MMP16: variants seen among roughly 807,000 people sequenced by gnomAD.
The protein encoded by MMP16 is matrix metalloproteinase-16.
A neutral mutation model predicts 67.8 loss-of-function variants in MMP16; 12 were observed. The ratio of observed to expected loss-of-function variants is 0.18; its 90% confidence interval spans 0.11 to 0.29. The LOEUF is 0.29. Among genes scored for constraint, MMP16 ranks in the 10% least tolerant of loss-of-function variants. MMP16 has a pLI of 1.00. For missense variants in MMP16, 475 were observed against 765.7 expected, an observed-to-expected ratio of 0.62 and a Z score of 4.48; for synonymous variants, 249 against 255.9, an observed-to-expected ratio of 0.97 and a Z score of 0.26.
intron 1 of MMP16, among the ~76,000 whole-genome samples, chr8:88,299,745 T>A (rs937413037): frequency 6.6e-5 from 10 of 152,200 alleles, no homozygotes; most frequent in African/African-American, 2.4e-4. Context: ...CAATAGATAA[T>A]AACTTTTCTT....
chr8:88,145,787 G>A (rs1403826031), intron 4 of MMP16, among the ~76,000 whole-genome samples: 1 of 151,936 alleles, frequency 6.6e-6, no homozygotes, highest in Admixed American at 6.5e-5. Flanking sequence ...TTCTAGACCA[G>A]TGATTCTCAA....
In MMP16 at chr8:88,101,176, A is replaced by C. The variant is rs149660224; in HGVS notation, c.1083+15331T>G. ...AGATTCTCATTATACAGATGAAAAA[A>C]CTCAGGCTCAACAGTGGAGTCATAC... On this transcript the variant is annotated intron_variant, in intron 6 of 9. Coordinates refer to ENST00000286614, the MANE Select transcript of MMP16 (RefSeq NM_005941.5). Among the ~76,000 whole-genome samples the C allele has an allele frequency of 7.4e-4, 112 of 151,946 alleles. 1 individual carries two copies. The highest frequency in any genetic ancestry group is 2.6e-3 in the African/African-American group (107 of 41,502).
At chr8:88,268,703 A>G (rs1810517945) in intron 1 of MMP16, among the ~76,000 whole-genome samples, 1 of 152,172 alleles carries the variant, frequency 6.6e-6, no homozygotes, top group Non-Finnish European at 1.5e-5. Context: ...ATTTTAAGCA[A>G]AGGTTTTGAT....
At chr8:88,051,418 C>T (rs961872983) in intron 8 of MMP16, among the ~76,000 whole-genome samples, 7 of 152,184 alleles carry the variant, frequency 4.6e-5, no homozygotes, top group African/African-American at 1.4e-4. Flanking sequence ...GTGATGAAAG[C>T]TATTATAAAT....
chr8:88,196,241 C>T (rs1213858882), intron 2 of MMP16, among the ~76,000 whole-genome samples: 2 of 152,028 alleles, frequency 1.3e-5, no homozygotes, highest in East Asian at 1.9e-4. Flanking sequence ...AACTAAGTAA[C>T]AAAAAATATG....
At chr8:88,195,737 G>A (rs886169199) in intron 2 of MMP16, among the ~76,000 whole-genome samples, 1 of 152,114 alleles carries the variant, frequency 6.6e-6, no homozygotes, top group Non-Finnish European at 1.5e-5. Context: ...TCTAATTGTG[G>A]CAGAACATAT....
At chr8:88,061,378 C>T (rs1036724863) in intron 7 of MMP16, among the ~76,000 whole-genome samples, 4 of 152,034 alleles carry the variant, frequency 2.6e-5, no homozygotes, top group Admixed American at 6.6e-5. Flanking sequence ...CTTTCATCTC[C>T]TTTTTAATTA....
chr8:88,145,903 T>C (rs1011706657), intron 4 of MMP16, among the ~76,000 whole-genome samples: 3 of 151,982 alleles, frequency 2.0e-5, no homozygotes, highest in Admixed American at 1.3e-4. Context: ...GCCAGGAATA[T>C]TGCTAAACAT....
intron 4 of MMP16, among the ~76,000 whole-genome samples, chr8:88,156,847 G>C (rs944839125): frequency 3.9e-5 from 6 of 152,008 alleles, no homozygotes; most frequent in Admixed American, 3.9e-4. Context: ...TTTCTACAGA[G>C]ACTATGTAAG....
chr8:88,065,288 TA>T (rs1267919313), intron 7 of MMP16, among the ~76,000 whole-genome samples: 1 of 152,032 alleles, frequency 6.6e-6, no homozygotes, highest in Non-Finnish European at 1.5e-5. Flanking sequence ...TTTTTGAAAA[TA>T]AGGAAAACTT....
At chr8:88,226,418 A>G (rs2129860854) in intron 1 of MMP16, among the ~76,000 whole-genome samples, 1 of 152,084 alleles carries the variant, frequency 6.6e-6, no homozygotes, top group Non-Finnish European at 1.5e-5. Context: ...ACCAATTAAG[A>G]TATTTCTGGA....
chr8:88,140,783 T>A (rs1160234096), intron 4 of MMP16, among the ~76,000 whole-genome samples: 1 of 152,098 alleles, frequency 6.6e-6, no homozygotes, highest in East Asian at 1.9e-4. Context: ...AACCAATTAT[T>A]TCATATCAAA....
intron 6 of MMP16, among the ~76,000 whole-genome samples, chr8:88,093,316 T>A (rs992528275): frequency 1.3e-5 from 2 of 151,906 alleles, no homozygotes; most frequent in East Asian, 3.9e-4. Flanking sequence ...TTCTTGAGTA[T>A]AATTAATTCA....
intron 1 of MMP16, among the ~76,000 whole-genome samples, chr8:88,322,303 C>A (rs957173479): frequency 1.3e-5 from 2 of 152,090 alleles, no homozygotes; most frequent in Non-Finnish European, 2.9e-5. Flanking sequence ...GATGACATGA[C>A]AAAATGTGAA....
chr8:88,242,458 T>C (rs1810048954), intron 1 of MMP16, among the ~76,000 whole-genome samples: 1 of 152,194 alleles, frequency 6.6e-6, no homozygotes, highest in Admixed American at 6.5e-5. Flanking sequence ...CAAATGATAC[T>C]TTGCAATAAA....
chr8:88,093,981 C>T (rs1709968527), intron 6 of MMP16, among the ~76,000 whole-genome samples: 2 of 151,816 alleles, frequency 1.3e-5, no homozygotes, highest in Non-Finnish European at 2.9e-5. Flanking sequence ...ATTGAATTCT[C>T]ACATTAATAT....
chr8:88,097,882 A>G (rs757351248), intron 6 of MMP16, among the ~76,000 whole-genome samples: 4 of 151,882 alleles, frequency 2.6e-5, no homozygotes, highest in Non-Finnish European at 5.9e-5. Context: ...GAATTTGGAT[A>G]ATGGAATTAC....
At position 88,116,737 on chromosome 8, in the gene MMP16, C is replaced by G; in HGVS notation, c.872-19G>C. 6.2e-7 allele frequency: 1 copy of G among 1,602,872 alleles called. No homozygotes were observed. Among genetic ancestry groups the G allele is most frequent in the Non-Finnish European group, 8.5e-7 (1 of 1,171,338 alleles). On this transcript the variant is annotated intron_variant, in intron 5 of 9. Coordinates refer to ENST00000286614, the MANE Select transcript of MMP16 (RefSeq NM_005941.5). ...GGTGGACCTTTTGAAAATATGAGGACAGTGCTTGGCTCACTTAAAACTGGA... is the reference window on the plus strand; with the variant it reads ...GGTGGACCTTTTGAAAATATGAGGAGAGTGCTTGGCTCACTTAAAACTGGA...
At chr8:88,234,806 C>T (rs1312205030) in intron 1 of MMP16, among the ~76,000 whole-genome samples, 2 of 152,226 alleles carry the variant, frequency 1.3e-5, no homozygotes, top group African/African-American at 4.8e-5. Flanking sequence ...AAAGCATATA[C>T]TGCCCTTTAT....
Sources: gnomAD v4.1 joint callset for allele counts (sites outside exome capture counted in the v4.1 genomes callset) on GRCh38, gnomAD v4.1.1 for gene constraint, MANE v1.5 for transcripts, NCBI Gene and HGNC (gene_info 2026-07-23, HGNC 2026-07-21) for gene names.